The following ZC3H11A variants were observed in gnomAD, a reference collection of about 807,000 sequenced individuals.
The protein encoded by ZC3H11A is zinc finger CCCH domain-containing protein 11A.
In ZC3H11A, 22 loss-of-function variants were observed where a neutral mutation model predicts 90.8. The ratio of observed to expected loss-of-function variants is 0.24; its 90% CI spans 0.17 to 0.35. The LOEUF (loss-of-function observed/expected upper bound fraction) is 0.35, where lower values mean the gene tolerates loss of function less well. ZC3H11A is among the 10% of genes least tolerant of loss of function. The probability of loss-of-function intolerance (pLI) is 1.00; values close to 1 mark genes in which losing one functional copy is unlikely to be tolerated. For missense variants in ZC3H11A, 701 were observed against 964.9 expected (o/e 0.73, Z 3.62); for synonymous variants, 294 against 339.8 (o/e 0.87, Z 1.48).
In ZC3H11A at chr1:203,848,233, G is replaced by A. The variant is rs1426539621; in HGVS notation, c.1547-98G>A. On this transcript the variant is annotated intron_variant, in intron 13 of 17. Transcript: ENST00000367210. ...CTTTATCTGTAATTTTATTTGTCCTGTCTTACTACTTTCATTAAATAAAGT... is the reference window on the plus strand; with the variant it reads ...CTTTATCTGTAATTTTATTTGTCCTATCTTACTACTTTCATTAAATAAAGT... The A allele has an allele frequency of 1.1e-5, 11 of 989,522 alleles. 1 individual carries two copies. In the East Asian group the frequency reaches 2.5e-4, roughly 22 times the overall value. The allele number at this position is 989,522 out of a possible 1,614,324, so 61.3% of individuals were successfully genotyped here.
intron 4 of ZC3H11A, among the ~76,000 whole-genome samples, chr1:203,822,352 T>A (rs1175617740): frequency 6.6e-6 from 1 of 152,078 alleles, no homozygotes; most frequent in African/African-American, 2.4e-5. Context: ...TCTAGTACTC[T>A]GTGCTAAGCC....
intron 9 of ZC3H11A, among the ~76,000 whole-genome samples, chr1:203,833,186 G>A (rs1558127711): frequency 1.3e-5 from 2 of 152,114 alleles, no homozygotes; most frequent in Admixed American, 6.5e-5. Context: ...CGACCAACGC[G>A]GTGAAACCTT....
chr1:203,805,435 T>G (rs1374905260), intron 2 of ZC3H11A, among the ~76,000 whole-genome samples: 2 of 152,072 alleles, frequency 1.3e-5, no homozygotes, highest in Non-Finnish European at 2.9e-5. Flanking sequence ...CCTGCCAGAA[T>G]CAAGTTTTAG....
rs1571870101 is a variant in ZC3H11A at position 203,798,908 on chromosome 1, T to C, written c.-1587-2667T>C. 5 of 1,536,090 alleles carry C rather than the reference T, an allele frequency of 3.3e-6. 1 individual carries two copies. The highest frequency in any genetic ancestry group is 2.4e-5 in the South Asian group (2 of 84,064). ...CTAAGGCTGTACCTCAGTTATATGA[T>C]TGTGTCAGAGAAAAAATTTTCTTAA... On this transcript the variant is annotated intron_variant, in intron 1 of 17. Coordinates refer to ENST00000367210, the MANE Select transcript of ZC3H11A (RefSeq NM_001376342.1).
At chr1:203,828,170 T>TA (rs1681179622) in intron 4 of ZC3H11A, 129 bp from the exon 5 acceptor site, 1 of 1,083,940 alleles carries the variant, frequency 9.2e-7, no homozygotes, top group Non-Finnish European at 1.3e-6. Flanking sequence ...CTCTTCCTTC[T>TA]AAAAATCATC....
In ZC3H11A at chr1:203,853,481, T is replaced by G. The variant is rs1055785289; in HGVS notation, c.*1082T>G. The stretch of plus-strand genomic sequence containing the variant: ...TTTCTTGATGTTGGTTTCCTTCATA[T>G]CACCTCAAGGTTTAGATTTGTGAAG... On this transcript the variant is annotated 3_prime_UTR_variant, in exon 18 of 18. Transcript: ENST00000367210. The G allele has an allele frequency of 6.6e-6, 1 of 152,602 alleles. No individual in the cohort carries two copies. Among genetic ancestry groups the G allele is most frequent in the African/African-American group, 2.4e-5 (1 of 41,428 alleles). 9.5% of individuals were successfully genotyped at this position (152,602 alleles called of 1,614,324 possible). A position where few individuals can be genotyped will look rare whatever the true frequency, so the allele number is the denominator to read the frequency against.
At chr1:203,848,954 G>A (rs1041804997) in intron 14 of ZC3H11A, among the ~76,000 whole-genome samples, 1 of 152,084 alleles carries the variant, frequency 6.6e-6, no homozygotes, top group African/African-American at 2.4e-5. Context: ...GCATGATCTC[G>A]GTTCACTGCA....
chr1:203,820,047 C>A (rs997177605), intron 4 of ZC3H11A, among the ~76,000 whole-genome samples: 1 of 150,598 alleles, frequency 6.6e-6, no homozygotes, highest in Non-Finnish European at 1.5e-5. Context: ...CCAGCCTGAC[C>A]AACATGGTGA....
chr1:203,805,252 G>T (rs1671917649), intron 2 of ZC3H11A, among the ~76,000 whole-genome samples: 1 of 149,754 alleles, frequency 6.7e-6, no homozygotes, highest in Non-Finnish European at 1.5e-5. Context: ...TCCTGCTTCA[G>T]TCTCCCGAGA....
intron 4 of ZC3H11A, among the ~76,000 whole-genome samples, chr1:203,825,242 A>G (rs971290312): frequency 1.3e-5 from 2 of 152,194 alleles, no homozygotes; most frequent in Non-Finnish European, 2.9e-5. Flanking sequence ...AGAGGCCCAC[A>G]GGAACCCAAC....
At chr1:203,801,076 A>G (rs951248130) in intron 1 of ZC3H11A, 3 of 152,234 alleles carry the variant, frequency 2.0e-5, no homozygotes. Context: ...TTAGGAAAAT[A>G]TACTTTTAGT....
At chr1:203,839,338 C>A (rs1379862031) in intron 11 of ZC3H11A, among the ~76,000 whole-genome samples, 23 of 152,282 alleles carry the variant, frequency 1.5e-4, no homozygotes, top group Non-Finnish European at 2.4e-4. Flanking sequence ...TATTGCGCCC[C>A]TCAGGGAATT....
intron 2 of ZC3H11A, among the ~76,000 whole-genome samples, chr1:203,804,297 A>C (rs1571922193): frequency 6.6e-6 from 1 of 151,404 alleles, no homozygotes; most frequent in Middle Eastern, 3.4e-3. Context: ...GACTACAGGC[A>C]CCCGCCACCT....
intron 10 of ZC3H11A, chr1:203,834,088 T>G: frequency 8.4e-7 from 1 of 1,187,574 alleles, no homozygotes; most frequent in Non-Finnish European, 1.0e-6. Flanking sequence ...TGGAAGGAAC[T>G]AGATTTTAAA....
In ZC3H11A at chr1:203,804,444, G is replaced by A. The variant is rs142782286; in HGVS notation, c.-146+1428G>A. On this transcript the variant is annotated intron_variant, in intron 2 of 17. Coordinates refer to ENST00000367210, the MANE Select transcript of ZC3H11A (RefSeq NM_001376342.1). The stretch of plus-strand genomic sequence containing the variant: ...TAGGATTACAAGCATGAGCCACCAC[G>A]CCCGGCCCTTCCTGTATATCTTTTT... Among the ~76,000 whole-genome samples, 279 of 152,072 alleles carry A rather than the reference G, an allele frequency of 1.8e-3. 7 individuals carry two copies. The East Asian group carries it at 0.043, about 23-fold the overall frequency.
chr1:203,842,117 T>G (rs1572306277), intron 12 of ZC3H11A, among the ~76,000 whole-genome samples: 9 of 118,146 alleles, frequency 7.6e-5, no homozygotes, highest in Admixed American at 1.8e-4. Context: ...CTTCCCAGAC[T>G]GGGCGGCTGG....
In ZC3H11A at chr1:203,852,181, C is replaced by A. The variant is rs1390645472; in HGVS notation, c.2215C>A (p.Pro739Thr). 1 of 1,613,588 alleles carries A rather than the reference C, an allele frequency of 6.2e-7. No homozygotes were observed. The highest frequency in any genetic ancestry group is 8.5e-7 in the Non-Finnish European group (1 of 1,179,782). ...PPTQSSSDSS[P>T]PEVSGPSSSQ... ...AACCCAGTCCTCTTCAGATTCCTCA[C>A]CCCCGGAGGTGTCTGGCCCTTCCTC... is the stretch of plus-strand genomic sequence containing the variant. The change falls in exon 18 of 18, where the codon CCC becomes ACC. Residue 739 changes from proline to threonine, a missense_variant. Physicochemically the swap from Pro to Thr is conservative, Grantham distance 38 (BLOSUM62 -1). Transcript: ENST00000367210.
chr1:203,849,768 A>T lies in ZC3H11A; in HGVS notation c.1681A>T (p.Thr561Ser). Reference sequence around the variant, plus strand: ...TAAAATTCAAGTCAAGAGATGTGAGACCATGAGAGAGAAGCACATGCAGAA... The same window carrying T: ...TAAAATTCAAGTCAAGAGATGTGAGTCCATGAGAGAGAAGCACATGCAGAA... ...ITKIQVKRCE[T>S]MREKHMQKQQ... The change falls in exon 15 of 18, where the codon ACC becomes TCC. Residue 561 changes from threonine (T) to serine (S), a missense_variant. Around this residue, in one of 4 missense-constraint regions of ZC3H11A, gnomAD observed 530 missense variants for 696.2 expected, o/e 0.76. Coordinates refer to ENST00000367210, the MANE Select transcript of ZC3H11A (RefSeq NM_001376342.1). 6.2e-7 allele frequency: 1 copy of T among 1,613,954 alleles called. No individual in the cohort carries two copies. Among genetic ancestry groups the T allele is most frequent in the East Asian group, 2.2e-5 (1 of 44,866 alleles).
At chr1:203,851,194 C>A in intron 17 of ZC3H11A, 70 bp downstream of exon 17, 1 of 1,352,356 alleles carries the variant, frequency 7.4e-7, no homozygotes, top group Non-Finnish European at 1.0e-6. Flanking sequence ...TAGAGAATAA[C>A]ACTGATAAAT....
Sources: allele counts gnomAD v4.1 joint callset (sites outside exome capture counted in the v4.1 genomes callset), GRCh38; gene constraint gnomAD v4.1.1; regional missense constraint gnomAD v4.1.1; transcripts MANE v1.5; gene names NCBI Gene and HGNC (gene_info 2026-07-23, HGNC 2026-07-21).